The following RAD51AP1 variants were observed in gnomAD, a reference collection of about 807,000 sequenced individuals.
RAD51AP1 encodes the protein RAD51 associated protein 1.
Under a neutral mutation model 34.3 loss-of-function variants are expected in RAD51AP1, and 14 were observed. The observed-to-expected ratio is 0.41, with a 90% CI of 0.27 to 0.64. RAD51AP1 has a LOEUF of 0.64. Among genes scored for constraint, RAD51AP1 ranks in the 30% least tolerant of loss-of-function variants. RAD51AP1 has a pLI of 0.33. For missense variants in RAD51AP1, 348 were observed against 386.9 expected, an observed-to-expected ratio of 0.90 and a Z score of 0.84; for synonymous variants, 114 against 129.8, an observed-to-expected ratio of 0.88 and a Z score of 0.83.
At position 4,552,991 on chromosome 12, in the gene RAD51AP1, T is replaced by G; in HGVS notation, c.565T>G (p.Ser189Ala). The change falls in exon 7 of 9, where the codon TCT (serine) becomes GCT (alanine). Residue 189 changes from serine (S) to alanine (A), a missense_variant. Coordinates refer to ENST00000352618, the MANE Select transcript of RAD51AP1 (RefSeq NM_006479.5). ...TEPDFAPGED[S>A]EDDSDFCESE... is the part of the protein sequence containing the mutation. ...ATAATCTTCTGTTTTAGGTGAAGAT[T>G]CTGAGGATGATTCTGATTTTTGTGA... The G allele has an allele frequency of 6.3e-7, 1 of 1,583,038 alleles. No homozygotes were observed. Among genetic ancestry groups the G allele is most frequent in the Non-Finnish European group, 8.5e-7 (1 of 1,170,672 alleles).
intron 1 of RAD51AP1, among the ~76,000 whole-genome samples, chr12:4,540,938 A>G (rs1439136127): frequency 6.6e-6 from 1 of 152,244 alleles, no homozygotes; most frequent in Non-Finnish European, 1.5e-5. Context: ...AAGAACAACC[A>G]GCTGACAAAT....
At chr12:4,545,798 T>C (rs750598379) in intron 3 of RAD51AP1, 1 of 1,613,318 alleles carries the variant, frequency 6.2e-7, no homozygotes, top group South Asian at 1.1e-5. Flanking sequence ...TGAAGGTACT[T>C]TTAGTATTCC....
intron 7 of RAD51AP1, 46 bp downstream of exon 7, chr12:4,553,193 G>T: frequency 5.0e-6 from 7 of 1,389,680 alleles, no homozygotes; most frequent in South Asian, 4.9e-5. Flanking sequence ...AAATGTATGT[G>T]GTTTGTTTGC....
chr12:4,554,049 T>C (rs1419121049), intron 7 of RAD51AP1, among the ~76,000 whole-genome samples: 1 of 119,510 alleles, frequency 8.4e-6, no homozygotes, highest in Non-Finnish European at 1.9e-5. Flanking sequence ...ATTAGAGTGT[T>C]TTTTTTTTAA....
At chr12:4,558,209 A>T (rs1328607873) in intron 8 of RAD51AP1, among the ~76,000 whole-genome samples, 2 of 152,200 alleles carry the variant, frequency 1.3e-5, no homozygotes, top group Non-Finnish European at 2.9e-5. Flanking sequence ...AGTGTAAATT[A>T]AAATAAAATA....
rs368705361 is a variant in RAD51AP1, at chr12:4,543,756, T to C, written c.68-7T>C. On this transcript the variant is annotated splice_polypyrimidine_tract_variant and splice_region_variant and intron_variant, in intron 2 of 8. Coordinates refer to ENST00000352618, the MANE Select transcript of RAD51AP1 (RefSeq NM_006479.5). ...TTTTCTTTTGGTTTTAATTCACACATGAATAGATGATTTTGTTTCTGCAAC... is the reference window on the plus strand; with the variant it reads ...TTTTCTTTTGGTTTTAATTCACACACGAATAGATGATTTTGTTTCTGCAAC... The C allele has an allele frequency of 6.4e-7, 1 of 1,566,130 alleles. No individual in the cohort carries two copies. The highest frequency in any genetic ancestry group is 1.4e-5 in the African/African-American group (1 of 72,728).
At chr12:4,546,885 G>A (rs1179854369) in intron 4 of RAD51AP1, among the ~76,000 whole-genome samples, 1 of 152,026 alleles carries the variant, frequency 6.6e-6, no homozygotes, top group Non-Finnish European at 1.5e-5. Flanking sequence ...TTTCTCCTTT[G>A]ATTTTTCTGG....
Position 4,543,821 on chromosome 12 carries a change from G to C in RAD51AP1, c.126G>C (p.Glu42Asp). ...LNKKSRTAPK[E>D]LKQDKPKPNL... is the part of the protein sequence containing the mutation. Reference sequence around the variant, plus strand: ...AGAAATCCAGAACAGCACCAAAGGAGTTAAAACAAGATAAACCAAAACCTA... The same window carrying C: ...AGAAATCCAGAACAGCACCAAAGGACTTAAAACAAGATAAACCAAAACCTA... The change falls in exon 3 of 9, where the codon GAG becomes GAC. Residue 42 changes from glutamate (E) to aspartate (D), a missense_variant. Transcript: ENST00000352618. 1 of 1,612,388 alleles carries C rather than the reference G, an allele frequency of 6.2e-7. No individual in the cohort carries two copies. Among genetic ancestry groups the C allele is most frequent in the Non-Finnish European group, 8.5e-7 (1 of 1,178,762 alleles).
At chr12:4,550,601 T>C (rs1364737250) in intron 6 of RAD51AP1, 1 of 152,358 alleles carries the variant, frequency 6.6e-6, no homozygotes, top group Non-Finnish European at 1.5e-5. Context: ...AATAAGGACA[T>C]TGCAATTTGA....
chr12:4,550,103 TG>T (rs1944535551), intron 6 of RAD51AP1, among the ~76,000 whole-genome samples: 2 of 152,338 alleles, frequency 1.3e-5, no homozygotes, highest in South Asian at 4.1e-4. Flanking sequence ...AATCCGTAAC[TG>T]AAGTGTTTGG....
At chr12:4,546,251 C>A in intron 3 of RAD51AP1, 58 bp from the exon 4 acceptor site, 3 of 1,269,012 alleles carry the variant, frequency 2.4e-6, no homozygotes, top group South Asian at 1.3e-5. Flanking sequence ...TCAAACTTTG[C>A]TCTTTAGTTG....
chr12:4,543,741 G>A, intron 2 of RAD51AP1, 22 bp from the exon 3 acceptor site: 1 of 1,498,762 alleles, frequency 6.7e-7, no homozygotes, highest in African/African-American at 1.4e-5. Context: ...TTTTCTTTTG[G>A]TTTTAATTCA....
chr12:4,553,366 G>A (rs1403658287), intron 7 of RAD51AP1: 1 of 266,734 alleles, frequency 3.7e-6, no homozygotes, highest in Non-Finnish European at 7.0e-6. Flanking sequence ...CCTCACTTTG[G>A]TACTCATGGC....
chr12:4,553,236 T>A, intron 7 of RAD51AP1, 89 bp downstream of exon 7: 2 of 1,166,176 alleles, frequency 1.7e-6, no homozygotes, highest in Non-Finnish European at 2.3e-6. Context: ...TTGTTCTCTT[T>A]AACATTTTCC....
chr12:4,543,939 T>G (rs2137248997), intron 3 of RAD51AP1, 35 bp downstream of exon 3: 1 of 1,533,070 alleles, frequency 6.5e-7, no homozygotes, highest in Non-Finnish European at 8.9e-7. Context: ...TATATGACAT[T>G]AGATGTGTTA....
rs770651578 is a variant in RAD51AP1 at position 4,558,991 on chromosome 12, T to A, written c.1006T>A (p.Ter336ArgextTer21). The part of the protein sequence containing the change: ...KPLHPNATST[*>R] ...TTTGCATCCAAATGCCACTAGCACCTGAGTGTGGTACAGGAGGAATGTTTG... is the reference window on the plus strand; with the variant it reads ...TTTGCATCCAAATGCCACTAGCACCAGAGTGTGGTACAGGAGGAATGTTTG... The change falls in exon 9 of 9, where the codon TGA becomes AGA. Residue 336 changes from the stop codon to arginine, a stop_lost. Coordinates refer to ENST00000352618, the MANE Select transcript of RAD51AP1 (RefSeq NM_006479.5). 1 of 1,613,938 alleles carries A rather than the reference T, an allele frequency of 6.2e-7. No individual in the cohort carries two copies. The highest frequency in any genetic ancestry group is 1.1e-5 in the South Asian group (1 of 91,042).
intron 7 of RAD51AP1, among the ~76,000 whole-genome samples, chr12:4,554,337 T>A (rs1278101155): frequency 6.6e-6 from 1 of 152,208 alleles, no homozygotes; most frequent in Admixed American, 6.5e-5. Context: ...GTGATTACAT[T>A]GGGCCCCTCC....
intron 3 of RAD51AP1, chr12:4,545,378 G>T (rs769382207): frequency 9.6e-5 from 32 of 334,344 alleles, no homozygotes; most frequent in Non-Finnish European, 1.5e-4. Context: ...GAAACGGAAA[G>T]CAGATTAATG....
intron 3 of RAD51AP1, chr12:4,545,819 G>A (rs888215061): frequency 6.2e-7 from 1 of 1,613,048 alleles, no homozygotes; most frequent in Non-Finnish European, 8.5e-7. Context: ...AGCTAGTGCA[G>A]TGCCTTGTAC....
Sources: gnomAD v4.1 joint callset for allele counts (sites outside exome capture counted in the v4.1 genomes callset) on GRCh38, gnomAD v4.1.1 for gene constraint, MANE v1.5 for transcripts, NCBI Gene and HGNC (gene_info 2026-07-23, HGNC 2026-07-21) for gene names.